The following MGAT4C variants were observed in gnomAD, a reference collection of about 807,000 sequenced individuals.
MGAT4C encodes alpha-1,3-mannosyl-glycoprotein 4-beta-N-acetylglucosaminyltransferase C.
In MGAT4C, 19 loss-of-function variants were observed where a neutral mutation model predicts 40.1. That is an observed-to-expected ratio of 0.47 (90% confidence interval 0.33 to 0.70). MGAT4C has a LOEUF of 0.70. MGAT4C is among the 30% of genes least tolerant of loss of function. The probability of loss-of-function intolerance (pLI) is 0.02; values close to 1 mark genes in which losing one functional copy is unlikely to be tolerated. For missense variants in MGAT4C, 491 were observed against 563.2 expected, an observed-to-expected ratio of 0.87 and a Z score of 1.30; for synonymous variants, 181 against 187.1, an observed-to-expected ratio of 0.97 and a Z score of 0.27.
Position 86,235,111 on chromosome 12 carries a change from T to A in MGAT4C, c.-57+21128A>T, listed in dbSNP as rs151310045. ...TGCTGGGTTAGTTCATACATCTTCA[T>A]AGGTTTATTTATATTTGTATGGCTC... On this transcript the variant is annotated intron_variant, in intron 1 of 4. Transcript: ENST00000611864. Among the ~76,000 whole-genome samples, 4 of 152,178 alleles carry A rather than the reference T, an allele frequency of 2.6e-5. No individual in the cohort carries two copies. The East Asian group carries it at 7.7e-4, about 29-fold the overall frequency.
chr12:86,704,075 TAATC>T (rs1950411193), intron 2 of MGAT4C, among the ~76,000 whole-genome samples: 1 of 152,104 alleles, frequency 6.6e-6, no homozygotes, highest in Non-Finnish European at 1.5e-5. Context: ...GACAAGGAAA[TAATC>T]AAAATAATAA....
chr12:86,095,696 C>A (rs1873794116), intron 1 of MGAT4C, among the ~76,000 whole-genome samples: 1 of 150,638 alleles, frequency 6.6e-6, no homozygotes, highest in Non-Finnish European at 1.5e-5. Context: ...CTTTTTACTA[C>A]TTCTCTCCCT....
chr12:86,202,477 C>A (rs535286107), intron 1 of MGAT4C, among the ~76,000 whole-genome samples: 1 of 151,872 alleles, frequency 6.6e-6, no homozygotes. Context: ...TATTATTGGA[C>A]GCAATTTGCA....
chr12:86,001,000 T>C (rs1490497074), intron 2 of MGAT4C, among the ~76,000 whole-genome samples: 2 of 152,152 alleles, frequency 1.3e-5, no homozygotes, highest in African/African-American at 4.8e-5. Flanking sequence ...ATCAAGACAC[T>C]ATACACTTGG....
At chr12:86,558,996 A>G (rs1364461264) in intron 2 of MGAT4C, among the ~76,000 whole-genome samples, 1 of 151,980 alleles carries the variant, frequency 6.6e-6, no homozygotes, top group Admixed American at 6.6e-5. Context: ...ATAAAAGACT[A>G]CAGACAGTCT....
At chr12:86,332,193 C>T (rs1410445915) in intron 4 of MGAT4C, among the ~76,000 whole-genome samples, 1 of 152,088 alleles carries the variant, frequency 6.6e-6, no homozygotes, top group African/African-American at 2.4e-5. Context: ...CATTTACCCA[C>T]AGTAAAGACT....
intron 3 of MGAT4C, among the ~76,000 whole-genome samples, chr12:86,347,180 C>T (rs1955055180): frequency 6.6e-6 from 1 of 152,094 alleles, no homozygotes; most frequent in Non-Finnish European, 1.5e-5. Context: ...TAACAAACTC[C>T]CTTTCATATA....
chr12:86,704,556 A>G (rs1478930101), intron 2 of MGAT4C, among the ~76,000 whole-genome samples: 1 of 152,176 alleles, frequency 6.6e-6, no homozygotes, highest in Non-Finnish European at 1.5e-5. Context: ...CTATAGAATA[A>G]CATATGAGGG....
At chr12:86,513,390 G>A (rs555743100) in intron 2 of MGAT4C, among the ~76,000 whole-genome samples, 1 of 152,192 alleles carries the variant, frequency 6.6e-6, no homozygotes, top group Non-Finnish European at 1.5e-5. Context: ...ATTTCTTCAT[G>A]TCTGAATGGT....
rs528246729 is a variant in MGAT4C at position 86,241,755 on chromosome 12, C to T, written c.-57+14484G>A. 2.0e-5 allele frequency among the ~76,000 whole-genome samples: 3 copies of T among 152,222 alleles called. No homozygotes were observed. The East Asian group carries it at 5.8e-4, about 30-fold the overall frequency. On this transcript the variant is annotated intron_variant, in intron 1 of 4. Coordinates refer to ENST00000611864, the MANE Select transcript of MGAT4C (RefSeq NM_001351288.2). ...TGGGAAAGCACTTTATAAAGTGCCT[C>T]CTAAAATGCAATGTAACTTCTTCCA...
intron 2 of MGAT4C, among the ~76,000 whole-genome samples, chr12:86,466,208 C>A (rs1443925094): frequency 6.7e-6 from 1 of 149,524 alleles, no homozygotes; most frequent in Non-Finnish European, 1.5e-5. Context: ...AAGACTCCGT[C>A]AAAAAAAAAC....
intron 2 of MGAT4C, among the ~76,000 whole-genome samples, chr12:86,726,194 A>G (rs1565950217): frequency 6.6e-6 from 1 of 152,196 alleles, no homozygotes; most frequent in Non-Finnish European, 1.5e-5. Flanking sequence ...AAATATAGCT[A>G]TGTCTTCCTC....
rs116697264 is a variant in MGAT4C, at chr12:86,773,394, C to T, written c.-261-46153G>A. Among the ~76,000 whole-genome samples, 514 of 152,164 alleles carry T rather than the reference C, an allele frequency of 3.4e-3. 2 individuals are homozygous for T. Among genetic ancestry groups the T allele is most frequent in the African/African-American group, 0.012 (492 of 41,512 alleles). On this transcript the variant is annotated intron_variant, in intron 1 of 7. Transcript: ENST00000548651. Reference sequence around the variant, plus strand: ...TCAGAAAGAACCTACCCTGTTGACACCTTGATCTTGAACTTACAACCCTCA... The same window carrying T: ...TCAGAAAGAACCTACCCTGTTGACATCTTGATCTTGAACTTACAACCCTCA...
At chr12:86,687,188 T>C (rs561027528) in intron 2 of MGAT4C, among the ~76,000 whole-genome samples, 1 of 152,324 alleles carries the variant, frequency 6.6e-6, no homozygotes, top group African/African-American at 2.4e-5. Flanking sequence ...TCAGTGTTGA[T>C]ATCCCCTTTT....
rs554240578 is a variant in MGAT4C, at chr12:86,309,309, C to T, written c.-57+24756G>A. 8.9e-4 allele frequency among the ~76,000 whole-genome samples: 135 copies of T among 152,252 alleles called. 1 individual carries two copies. The highest frequency in any genetic ancestry group is 2.9e-3 in the African/African-American group (121 of 41,554). ...AAAACTTAGTTGCCAAATACAAGTG[C>T]CCTAGTCCATTTTGTGTTGCTATGA... is the stretch of plus-strand genomic sequence containing the variant. On this transcript the variant is annotated intron_variant, in intron 4 of 7. Coordinates refer to the MGAT4C transcript ENST00000548651.
At chr12:86,220,478 C>T (rs1044026076) in intron 1 of MGAT4C, among the ~76,000 whole-genome samples, 2 of 152,110 alleles carry the variant, frequency 1.3e-5, no homozygotes, top group Non-Finnish European at 2.9e-5. Context: ...AAAGATAATT[C>T]AGTGGTTTGT....
At chr12:86,427,702 C>T (rs933862690) in intron 3 of MGAT4C, among the ~76,000 whole-genome samples, 1 of 152,120 alleles carries the variant, frequency 6.6e-6, no homozygotes, top group Non-Finnish European at 1.5e-5. Context: ...AAAAGGTGAA[C>T]ATTTTCATTC....
chr12:86,058,579 ATTAAC>A (rs1893627630), intron 1 of MGAT4C, among the ~76,000 whole-genome samples: 1 of 152,162 alleles, frequency 6.6e-6, no homozygotes, highest in Non-Finnish European at 1.5e-5. Context: ...AATTTGTGAT[ATTAAC>A]TTTATTTTTT....
chr12:86,420,066 A>ATG (rs1366824399), intron 3 of MGAT4C, among the ~76,000 whole-genome samples: 7 of 142,554 alleles, frequency 4.9e-5, no homozygotes, highest in Admixed American at 4.9e-4. Flanking sequence ...TGAGTTATTC[A>ATG]TGTAGACTTG....
Sources: allele counts gnomAD v4.1 joint callset (sites outside exome capture counted in the v4.1 genomes callset), GRCh38; gene constraint gnomAD v4.1.1; transcripts MANE v1.5; gene names NCBI Gene and HGNC (gene_info 2026-07-23, HGNC 2026-07-21).